TVP23C: variants seen among roughly 807,000 people sequenced by gnomAD.
TVP23C encodes the protein Golgi apparatus membrane protein TVP23 homolog C.
A neutral mutation model predicts 28.7 loss-of-function variants in TVP23C; 19 were observed. That is an observed-to-expected ratio of 0.66 (90% CI 0.46 to 0.97). TVP23C has a LOEUF of 0.97. Ranked by LOEUF, TVP23C falls within the 50% of genes least tolerant of loss-of-function variation. The pLI is 0.00. For missense variants in TVP23C, 186 were observed against 241.3 expected (o/e 0.77, Z 1.52); for synonymous variants, 68 against 81.7 (o/e 0.83, Z 0.90).
chr17:15,517,785 C>T (rs1017846055), intron 5 of TVP23C, among the ~76,000 whole-genome samples: 4 of 152,114 alleles, frequency 2.6e-5, no homozygotes, highest in Admixed American at 6.5e-5. Flanking sequence ...AGCTGGCAGG[C>T]GGCAGAAACA....
chr17:15,554,704 G>A (rs1984052075), intron 2 of TVP23C, among the ~76,000 whole-genome samples: 1 of 152,050 alleles, frequency 6.6e-6, no homozygotes, highest in African/African-American at 2.4e-5. Context: ...GCACCCACTG[G>A]CAGTCATTCC....
intron 5 of TVP23C, among the ~76,000 whole-genome samples, chr17:15,517,132 C>A (rs1312813504): frequency 6.6e-6 from 1 of 152,238 alleles, no homozygotes; most frequent in East Asian, 1.9e-4. Flanking sequence ...CAGTCATTTC[C>A]ATGGGACATG....
At chr17:15,528,384 A>C (rs1018916073) in intron 5 of TVP23C, among the ~76,000 whole-genome samples, 1 of 151,482 alleles carries the variant, frequency 6.6e-6, no homozygotes, top group Admixed American at 6.6e-5. Context: ...ATGTTGTTTA[A>C]TTTTCACATC....
At chr17:15,503,390 G>A in intron 5 of TVP23C, 1 of 909,642 alleles carries the variant, frequency 1.1e-6, no homozygotes, top group South Asian at 2.0e-5. Flanking sequence ...GGGCGACAGA[G>A]CAAGACCATG....
rs1353566378 is a variant in TVP23C, at chr17:15,538,870, C to A, written c.*1542G>T. The A allele has an allele frequency of 2.0e-6, 2 of 985,634 alleles. No homozygotes were observed. The highest frequency in any genetic ancestry group is 1.1e-4 in the East Asian group (1 of 8,808). The allele number at this position is 985,634 out of a possible 1,614,324, so 61.1% of individuals were successfully genotyped here. On this transcript the variant is annotated 3_prime_UTR_variant, in exon 6 of 6. Transcript: ENST00000518321. ...GGACCACAGTAAAGGTATATTGGAG[C>A]CATGCAAAAATCCTTCAGAATGAGA...
At chr17:15,556,414 T>C (rs899148043) in intron 1 of TVP23C, among the ~76,000 whole-genome samples, 2 of 146,724 alleles carry the variant, frequency 1.4e-5, no homozygotes, top group Non-Finnish European at 3.0e-5. Context: ...CAGGCTGGAG[T>C]GCAGTGGCGT....
intron 3 of TVP23C, 58 bp downstream of exon 3, chr17:15,553,626 AT>A (rs1020023589): frequency 1.3e-6 from 2 of 1,545,858 alleles, no homozygotes; most frequent in African/African-American, 2.8e-5. Flanking sequence ...ATGCTGTCAT[AT>A]TTTTATACAT....
chr17:15,537,370 C>G lies in TVP23C; in HGVS notation c.*3042G>C. The G allele has an allele frequency of 1.0e-6, 1 of 983,274 alleles. No homozygotes were observed. Among genetic ancestry groups the G allele is most frequent in the Non-Finnish European group, 1.2e-6 (1 of 828,222 alleles). The allele number at this position is 983,274 out of a possible 1,614,324, so 60.9% of individuals were successfully genotyped here. A position where few individuals can be genotyped will look rare whatever the true frequency, so the allele number is the denominator to read the frequency against. On this transcript the variant is annotated 3_prime_UTR_variant, in exon 6 of 6. Coordinates refer to ENST00000518321, the MANE Select transcript of TVP23C (RefSeq NM_001135036.2). ...CTCATTATGACATGAGAATAATGCT[C>G]TTTTAGTGGTAAAAGATCTATTAGC...
chr17:15,507,016 T>G (rs1285454378), intron 5 of TVP23C: 2 of 1,305,634 alleles, frequency 1.5e-6, no homozygotes, highest in Non-Finnish European at 2.2e-6. Flanking sequence ...TTATAAGGGT[T>G]CCTGCTTTCA....
At position 15,540,209 on chromosome 17, in the gene TVP23C, C is replaced by T. The variant is rs1983352343; in HGVS notation, c.*203G>A. 1 of 1,262,734 alleles carries T rather than the reference C, an allele frequency of 7.9e-7. No individual in the cohort carries two copies. Among genetic ancestry groups the T allele is most frequent in the Non-Finnish European group, 1.0e-6 (1 of 999,698 alleles). The allele number at this position is 1,262,734 out of a possible 1,614,324, so 78.2% of individuals were successfully genotyped here. ...TAATTTTTAAAAAATAAGTTATTAT[C>T]AATGATAGTTTATCCTTCCTGGCTT... On this transcript the variant is annotated 3_prime_UTR_variant, in exon 6 of 6. Coordinates refer to ENST00000518321, the MANE Select transcript of TVP23C (RefSeq NM_001135036.2).
At chr17:15,556,547 T>C (rs2150861708) in intron 1 of TVP23C, among the ~76,000 whole-genome samples, 2 of 152,196 alleles carry the variant, frequency 1.3e-5, no homozygotes, top group East Asian at 3.9e-4. Context: ...ATTTTTTTAG[T>C]AGAGACAGGT....
intron 5 of TVP23C, among the ~76,000 whole-genome samples, chr17:15,518,658 T>G (rs1488076390): frequency 6.6e-6 from 1 of 152,168 alleles, no homozygotes; most frequent in African/African-American, 2.4e-5. Context: ...GAATCTGTGT[T>G]TTCCAAAGAA....
Position 15,539,011 on chromosome 17 carries a change from T to C in TVP23C, c.*1401A>G, listed in dbSNP as rs1983284653. 1.0e-6 allele frequency: 1 copy of C among 985,418 alleles called. No homozygotes were observed. Among genetic ancestry groups the C allele is most frequent in the Admixed American group, 6.1e-5 (1 of 16,268 alleles). The allele number at this position is 985,418 out of a possible 1,614,324, so 61.0% of individuals were successfully genotyped here. A position where few individuals can be genotyped will look rare whatever the true frequency, so the allele number is the denominator to read the frequency against. On this transcript the variant is annotated 3_prime_UTR_variant, in exon 6 of 6. Coordinates refer to ENST00000518321, the MANE Select transcript of TVP23C (RefSeq NM_001135036.2). ...TGAGTACAGAGGGCTGGGTTTAAGA[T>C]CTAGCTTTGTACCACTATTAGCTGT...
At chr17:15,545,351 G>A (rs193034096) in intron 5 of TVP23C, among the ~76,000 whole-genome samples, 2 of 152,328 alleles carry the variant, frequency 1.3e-5, no homozygotes, top group East Asian at 3.9e-4. Context: ...AAGAGGAGAT[G>A]GCTCACAACC....
chr17:15,502,719 CCTCTCT>C, exon 6 of TVP23C: 2 of 1,157,106 alleles, frequency 1.7e-6, no homozygotes, highest in East Asian at 5.7e-5. Flanking sequence ...TTCTCTCTCT[CCTCTCT>C]CTCTCTTTCT....
At chr17:15,502,719 CCTCTCTCTCTCTTT>C in exon 6 of TVP23C, 2 of 1,157,106 alleles carry the variant, frequency 1.7e-6, no homozygotes, top group Non-Finnish European at 2.3e-6. Context: ...TTCTCTCTCT[CCTCTCTCTCTCTTT>C]CTCTCTCCTC....
At chr17:15,516,121 G>A (rs1252185728) in intron 5 of TVP23C, among the ~76,000 whole-genome samples, 1 of 152,168 alleles carries the variant, frequency 6.6e-6, no homozygotes, top group African/African-American at 2.4e-5. Context: ...GCAGAACTAT[G>A]AGCCAATTAA....
chr17:15,505,153 C>A (rs1295378162), intron 5 of TVP23C, among the ~76,000 whole-genome samples: 1 of 152,110 alleles, frequency 6.6e-6, no homozygotes, highest in African/African-American at 2.4e-5. Context: ...ATATTTAAAG[C>A]AAACCTATCC....
intron 5 of TVP23C, among the ~76,000 whole-genome samples, chr17:15,544,260 T>C (rs1390483056): frequency 6.6e-6 from 1 of 152,148 alleles, no homozygotes; most frequent in Admixed American, 6.5e-5. Context: ...TGTTTAAACA[T>C]GAGTCAAAAG....
Sources: gnomAD v4.1 joint callset for allele counts (sites outside exome capture counted in the v4.1 genomes callset) on GRCh38, gnomAD v4.1.1 for gene constraint, MANE v1.5 for transcripts, NCBI Gene and HGNC (gene_info 2026-07-23, HGNC 2026-07-21) for gene names.